The following MBP variants were observed in gnomAD, a reference collection of about 807,000 sequenced individuals.
The protein encoded by MBP is myelin basic protein.
A neutral mutation model predicts 35.8 loss-of-function variants in MBP; 16 were observed. That is an observed-to-expected ratio of 0.45 (90% confidence interval 0.30 to 0.68). The LOEUF (loss-of-function observed/expected upper bound fraction) is 0.68, where lower values mean the gene tolerates loss of function less well. Among genes scored for constraint, MBP ranks in the 30% least tolerant of loss-of-function variants. The pLI is 0.08. For missense variants in MBP, 380 were observed against 404.7 expected (o/e 0.94, Z 0.52); for synonymous variants, 143 against 159.6 (o/e 0.90, Z 0.78).
chr18:77,035,824 C>G (rs1051315041), intron 3 of MBP, among the ~76,000 whole-genome samples: 18 of 152,222 alleles, frequency 1.2e-4, no homozygotes, highest in African/African-American at 4.3e-4. Context: ...AGGAAAGACT[C>G]TCCTGCAAAC....
At chr18:77,009,181 G>A (rs1312440956) in intron 4 of MBP, among the ~76,000 whole-genome samples, 1 of 152,242 alleles carries the variant, frequency 6.6e-6, no homozygotes, top group Admixed American at 6.5e-5. Context: ...GGCAGTGCCA[G>A]CTCTGGGCTT....
intron 3 of MBP, among the ~76,000 whole-genome samples, chr18:77,027,928 A>G (rs564417576): frequency 2.4e-4 from 37 of 152,262 alleles, no homozygotes; most frequent in African/African-American, 8.4e-4. Context: ...GCCTCAAGCC[A>G]TCCTCCTGTC....
At chr18:77,014,734 A>C (rs890406621) in intron 4 of MBP, 1 of 985,262 alleles carries the variant, frequency 1.0e-6, no homozygotes, top group Non-Finnish European at 1.2e-6. Context: ...TGGAGCAATC[A>C]CATCCCCACT....
intron 1 of MBP, among the ~76,000 whole-genome samples, chr18:77,123,214 A>G (rs775231908): frequency 2.0e-5 from 3 of 152,258 alleles, no homozygotes; most frequent in African/African-American, 4.8e-5. Context: ...TTTAGCAAAC[A>G]TGGTAGCTTT....
intron 3 of MBP, among the ~76,000 whole-genome samples, chr18:77,054,788 G>A (rs548873335): frequency 7.9e-5 from 12 of 152,202 alleles, no homozygotes; most frequent in Non-Finnish European, 1.2e-4. Flanking sequence ...TGTTAGCGGC[G>A]GGTGACGTCA....
At chr18:76,987,683 C>T (rs573741282) in intron 7 of MBP, 2 of 990,176 alleles carry the variant, frequency 2.0e-6, no homozygotes, top group African/African-American at 3.5e-5. Flanking sequence ...CGGAGACAGA[C>T]ACAACCTATC....
At chr18:77,104,867 C>T (rs1976195624) in intron 2 of MBP, among the ~76,000 whole-genome samples, 1 of 152,142 alleles carries the variant, frequency 6.6e-6, no homozygotes, top group South Asian at 2.1e-4. Flanking sequence ...TCGTCTTCCT[C>T]TCCTCCTGGT....
In MBP at chr18:76,985,085, C is replaced by G; in HGVS notation, c.751-191G>C. On this transcript the variant is annotated intron_variant, in intron 7 of 8. Transcript: ENST00000355994. ...GGGAGAGGCTGCTCCCCCAGGTCTA[C>G]CAGGGTGTTGGCCGCAGAGAGAGGA... The G allele has an allele frequency of 2.0e-6, 3 of 1,515,724 alleles. No individual in the cohort carries two copies. In the South Asian group the frequency reaches 3.6e-5, roughly 18 times the overall value. The allele number at this position is 1,515,724 out of a possible 1,614,324, so 93.9% of individuals were successfully genotyped here. A position where few individuals can be genotyped will look rare whatever the true frequency, so the allele number is the denominator to read the frequency against.
chr18:77,045,186 C>A (rs751349847), intron 3 of MBP, among the ~76,000 whole-genome samples: 3 of 152,190 alleles, frequency 2.0e-5, no homozygotes, highest in Non-Finnish European at 4.4e-5. Flanking sequence ...AACAGAGTAG[C>A]TGCTGACAAC....
In MBP at chr18:77,017,019, C is replaced by A. The variant is rs775843133; in HGVS notation, c.389G>T (p.Ser130Ile). The change falls in exon 4 of 9, where the codon AGC (serine) becomes ATC (isoleucine). Residue 130 changes from serine (S) to isoleucine (I), a missense_variant. Transcript: ENST00000355994. The stretch of plus-strand genomic sequence containing the variant: ...CTTCTGTGACGCCATCACATCCAGG[C>A]TCTCGGAGGTGGCTGCACTGTCTTC... ...IQEDSAATSE[S>I]LDVMASQKRP... 1 of 1,614,050 alleles carries A rather than the reference C, an allele frequency of 6.2e-7. No homozygotes were observed. The highest frequency in any genetic ancestry group is 1.1e-5 in the South Asian group (1 of 91,078).
intron 1 of MBP, among the ~76,000 whole-genome samples, chr18:77,129,113 G>A (rs1222552614): frequency 1.3e-5 from 2 of 152,128 alleles, no homozygotes; most frequent in African/African-American, 4.8e-5. Flanking sequence ...TGAGTGGCTT[G>A]TTTCAAATTA....
chr18:77,051,854 CCTT>C, intron 3 of MBP, among the ~76,000 whole-genome samples: 1 of 152,168 alleles, frequency 6.6e-6, no homozygotes, highest in South Asian at 2.1e-4. Context: ...CTTAATTTTC[CCTT>C]TTTTTAACAC....
intron 4 of MBP, among the ~76,000 whole-genome samples, chr18:76,992,310 A>G (rs1342085910): frequency 1.3e-5 from 2 of 152,128 alleles, no homozygotes; most frequent in South Asian, 2.1e-4. Context: ...TCCCTCGAAC[A>G]TGCCATTCCC....
intron 2 of MBP, among the ~76,000 whole-genome samples, chr18:77,091,663 C>T (rs1441088462): frequency 6.7e-6 from 1 of 149,850 alleles, no homozygotes; most frequent in Non-Finnish European, 1.5e-5. Flanking sequence ...CACATGCACA[C>T]ATGCGTGAAC....
chr18:77,005,581 C>T (rs1419040257), intron 4 of MBP: 2 of 152,282 alleles, frequency 1.3e-5, no homozygotes, highest in Non-Finnish European at 2.9e-5. Context: ...GCTGCCCCAA[C>T]CATGGGGCTT....
At chr18:77,060,763 C>T (rs1973945755) in intron 3 of MBP, among the ~76,000 whole-genome samples, 1 of 152,144 alleles carries the variant, frequency 6.6e-6, no homozygotes, top group Non-Finnish European at 1.5e-5. Context: ...ATTGTTCTCT[C>T]AATGGGCCCT....
At chr18:77,082,933 C>T (rs1029041577) in intron 2 of MBP, among the ~76,000 whole-genome samples, 4 of 130,598 alleles carry the variant, frequency 3.1e-5, no homozygotes, top group Non-Finnish European at 6.7e-5. Context: ...TAACTATTCT[C>T]TTTAACTAAT....
chr18:77,099,750 G>A (rs576734587), intron 2 of MBP, among the ~76,000 whole-genome samples: 2 of 152,378 alleles, frequency 1.3e-5, no homozygotes, highest in Admixed American at 6.5e-5. Context: ...GACTCAGCAC[G>A]TGGGAGATGA....
chr18:77,092,592 C>T (rs1170259233), intron 2 of MBP, among the ~76,000 whole-genome samples: 1 of 152,008 alleles, frequency 6.6e-6, no homozygotes, highest in Non-Finnish European at 1.5e-5. Flanking sequence ...GTTTTGTGGC[C>T]TCTTTGACAC....
Sources: gnomAD v4.1 joint callset for allele counts (sites outside exome capture counted in the v4.1 genomes callset) on GRCh38, gnomAD v4.1.1 for gene constraint, MANE v1.5 for transcripts, NCBI Gene and HGNC (gene_info 2026-07-23, HGNC 2026-07-21) for gene names.